RAB7A: variants seen among roughly 807,000 people sequenced by gnomAD.
The protein encoded by RAB7A is ras-related protein Rab-7a.
RAB7A carries 2 observed loss-of-function variants against 24.5 expected under a neutral mutation model. That is an observed-to-expected ratio of 0.08 (90% CI 0.03 to 0.26). The LOEUF is 0.26. Ranked by LOEUF, RAB7A falls within the 10% of genes least tolerant of loss-of-function variation. The probability of loss-of-function intolerance (pLI) is 1.00; values close to 1 mark genes in which losing one functional copy is unlikely to be tolerated. For synonymous variants in RAB7A, 100 were observed against 95.9 expected (o/e 1.04, Z -0.25); for missense variants, 118 against 255.7 (o/e 0.46, Z 3.67).
At chr3:128,776,667 T>C (rs1933096921) in intron 1 of RAB7A, among the ~76,000 whole-genome samples, 1 of 152,198 alleles carries the variant, frequency 6.6e-6, no homozygotes, top group African/African-American at 2.4e-5. Context: ...AATACTGCAG[T>C]GAACATGTGA....
chr3:128,744,617 C>T (rs1490124694), intron 1 of RAB7A, among the ~76,000 whole-genome samples: 1 of 152,204 alleles, frequency 6.6e-6, no homozygotes, highest in African/African-American at 2.4e-5. Context: ...ACCTGTGCCA[C>T]TTGTATAGCT....
At chr3:128,795,185 A>C (rs910358717) in intron 1 of RAB7A, 175 bp from the exon 2 acceptor site, 12 of 667,260 alleles carry the variant, frequency 1.8e-5, no homozygotes, top group Non-Finnish European at 2.8e-5. Flanking sequence ...TCTTGGGTCC[A>C]GAGTTTTGGT....
intron 1 of RAB7A, among the ~76,000 whole-genome samples, chr3:128,760,024 T>C (rs547845309): frequency 7.9e-5 from 12 of 152,180 alleles, no homozygotes; most frequent in Non-Finnish European, 1.3e-4. Context: ...TGATGACTTA[T>C]GAGTCAATTT....
At chr3:128,735,943 G>A (rs2070486490) in intron 1 of RAB7A, among the ~76,000 whole-genome samples, 1 of 152,202 alleles carries the variant, frequency 6.6e-6, no homozygotes, top group African/African-American at 2.4e-5. Flanking sequence ...GATGACAGTG[G>A]TGCATCGTAT....
At chr3:128,813,209 C>A in intron 5 of RAB7A, 118 bp from the exon 6 acceptor site, 2 of 949,698 alleles carry the variant, frequency 2.1e-6, no homozygotes, top group Non-Finnish European at 3.4e-6. Flanking sequence ...TGCTTCACAG[C>A]TCCCCGCCCA....
chr3:128,763,041 T>G (rs541114500), intron 1 of RAB7A, among the ~76,000 whole-genome samples: 17 of 151,896 alleles, frequency 1.1e-4, no homozygotes, highest in African/African-American at 3.9e-4. Context: ...TTATCTTTAG[T>G]TTTGGAAAGA....
At chr3:128,757,726 C>T (rs376356184) in intron 1 of RAB7A, among the ~76,000 whole-genome samples, 2 of 152,078 alleles carry the variant, frequency 1.3e-5, no homozygotes, top group East Asian at 3.9e-4. Flanking sequence ...CCATGCTGGC[C>T]AGGCTGGTCT....
At chr3:128,793,943 C>T (rs901586858) in intron 1 of RAB7A, among the ~76,000 whole-genome samples, 4 of 152,200 alleles carry the variant, frequency 2.6e-5, no homozygotes, top group Admixed American at 6.5e-5. Flanking sequence ...GCTCCTATTC[C>T]CATACTGTTC....
intron 1 of RAB7A, among the ~76,000 whole-genome samples, chr3:128,763,719 G>T (rs1411274787): frequency 6.6e-6 from 1 of 152,086 alleles, no homozygotes; most frequent in East Asian, 1.9e-4. Context: ...GTGCCATGTG[G>T]ATCTTTTAGT....
chr3:128,809,930 C>T lies in RAB7A; in HGVS notation c.528+2259C>T, dbSNP rs868646112. ...CCTGATGAGGCAAGTTTCCTCTTGC[C>T]ACAGTCTTTTTTTTTTTTTTTTTTT... On this transcript the variant is annotated intron_variant, in intron 5 of 5. Coordinates refer to ENST00000265062, the MANE Select transcript of RAB7A (RefSeq NM_004637.6). Among the ~76,000 whole-genome samples, 3 of 77,056 alleles carry T rather than the reference C, an allele frequency of 3.9e-5. No homozygotes were observed. In the East Asian group the frequency reaches 9.0e-4, roughly 23 times the overall value. 50.6% of individuals were successfully genotyped at this position (77,056 alleles called of 152,430 possible).
At chr3:128,743,264 C>T (rs930946786) in intron 1 of RAB7A, among the ~76,000 whole-genome samples, 3 of 152,216 alleles carry the variant, frequency 2.0e-5, no homozygotes, top group Non-Finnish European at 4.4e-5. Flanking sequence ...CGCTGGTCCG[C>T]GAGTGCCGCG....
chr3:128,792,881 C>T lies in RAB7A; in HGVS notation c.-8-2479C>T, dbSNP rs185473233. On this transcript the variant is annotated intron_variant, in intron 1 of 5. Coordinates refer to ENST00000265062, the MANE Select transcript of RAB7A (RefSeq NM_004637.6). ...TATTTATTCATTTGAGACAGTGCCT[C>T]GCACTGTCACCCAGGCTGGAGTGCA... Among the ~76,000 whole-genome samples the T allele has an allele frequency of 5.8e-3, 855 of 147,490 alleles. 1 individual carries two copies. Among genetic ancestry groups the T allele is most frequent in the Non-Finnish European group, 9.8e-3 (653 of 66,404 alleles).
intron 1 of RAB7A, among the ~76,000 whole-genome samples, chr3:128,790,020 C>A (rs549317950): frequency 6.6e-6 from 1 of 152,024 alleles, no homozygotes; most frequent in Non-Finnish European, 1.5e-5. Flanking sequence ...TTGTCAGTCT[C>A]TTGACCTCGT....
chr3:128,771,933 A>G (rs1932946279), intron 1 of RAB7A, among the ~76,000 whole-genome samples: 1 of 152,296 alleles, frequency 6.6e-6, no homozygotes, highest in East Asian at 1.9e-4. Context: ...AACATATTAT[A>G]TTTTGCTTCT....
chr3:128,737,814 AT>A (rs201060720), intron 1 of RAB7A, among the ~76,000 whole-genome samples: 7 of 43,254 alleles, frequency 1.6e-4, no homozygotes, highest in Admixed American at 7.4e-4. Flanking sequence ...ACATCTGGCT[AT>A]TTTTTTGTAG....
chr3:128,775,285 G>C (rs149606286), intron 1 of RAB7A, among the ~76,000 whole-genome samples: 38 of 152,310 alleles, frequency 2.5e-4, no homozygotes, highest in African/African-American at 8.9e-4. Flanking sequence ...TAGTGAGACT[G>C]TTCACCTTGC....
intron 1 of RAB7A, among the ~76,000 whole-genome samples, chr3:128,793,945 A>G (rs569722078): frequency 2.6e-5 from 4 of 152,324 alleles, no homozygotes; most frequent in South Asian, 4.1e-4. Flanking sequence ...TCCTATTCCC[A>G]TACTGTTCTT....
intron 3 of RAB7A, among the ~76,000 whole-genome samples, chr3:128,803,090 A>G (rs1241122219): frequency 6.6e-6 from 1 of 152,186 alleles, no homozygotes; most frequent in East Asian, 1.9e-4. Context: ...GATTACAGGC[A>G]TGAGCCACTG....
In RAB7A at chr3:128,813,929, C is replaced by T; in HGVS notation, c.*507C>T. ...CCCATGCCCCATTACAGGCTCACAC[C>T]CAGTCTGATCAGGCTGAGTTTTGTA... is the stretch of plus-strand genomic sequence containing the variant. On this transcript the variant is annotated 3_prime_UTR_variant, in exon 6 of 6. Transcript: ENST00000265062. 5.0e-6 allele frequency: 1 copy of T among 199,860 alleles called. No individual in the cohort carries two copies. Among genetic ancestry groups the T allele is most frequent in the Non-Finnish European group, 1.1e-5 (1 of 94,514 alleles). The allele number at this position is 199,860 out of a possible 1,614,324, so 12.4% of individuals were successfully genotyped here.
Sources: allele counts gnomAD v4.1 joint callset (sites outside exome capture counted in the v4.1 genomes callset), GRCh38; gene constraint gnomAD v4.1.1; transcripts MANE v1.5; gene names NCBI Gene and HGNC (gene_info 2026-07-23, HGNC 2026-07-21).